Variants in ITGBL1 observed in about 807,000 individuals in gnomAD.
The protein encoded by ITGBL1 is integrin beta-like protein 1.
In ITGBL1, 51 loss-of-function variants were observed where a neutral mutation model predicts 68.5. The ratio of observed to expected loss-of-function variants is 0.74; its 90% CI spans 0.59 to 0.94. The LOEUF is 0.94. Among genes scored for constraint, ITGBL1 ranks in the 40% least tolerant of loss-of-function variants. ITGBL1 has a pLI of 0.00. For synonymous variants in ITGBL1, 209 were observed against 227.3 expected (o/e 0.92, Z 0.72); for missense variants, 649 against 647.4 (o/e 1.00, Z -0.03).
At position 101,620,485 on chromosome 13, in the gene ITGBL1, A is replaced by G. The variant is rs534845920; in HGVS notation, c.1015+22186A>G. On this transcript the variant is annotated intron_variant, in intron 7 of 10. Coordinates refer to ENST00000376180, the MANE Select transcript of ITGBL1 (RefSeq NM_004791.3). ...GTGGGCTGAGCATTATAGGATGCAT[A>G]CAATTTTATTATTTGATCTCTCGTC... 2.0e-5 allele frequency among the ~76,000 whole-genome samples: 3 copies of G among 152,272 alleles called. No individual in the cohort carries two copies. The East Asian group carries it at 5.8e-4, about 29-fold the overall frequency.
intron 1 of ITGBL1, 124 bp from the exon 2 acceptor site, chr13:101,453,759 G>A (rs934008075): frequency 7.3e-5 from 37 of 506,308 alleles, no homozygotes; most frequent in South Asian, 2.0e-4. Context: ...GTGGGCCTCA[G>A]GCGTCCTGTT....
chr13:101,716,863 G>A (rs867272576), downstream of ITGBL1: 2 of 151,316 alleles, frequency 1.3e-5, no homozygotes, highest in Non-Finnish European at 2.9e-5. Flanking sequence ...GGAACAAAAT[G>A]TTTATTTTCT....
intron 7 of ITGBL1, among the ~76,000 whole-genome samples, chr13:101,604,887 T>TATACACACACACAC: frequency 0.012 from 260 of 22,106 alleles, 11 homozygotes; most frequent in Non-Finnish European, 0.016. Context: ...TATATATATA[T>TATACACACACACAC]ACACACACAC....
intron 2 of ITGBL1, among the ~76,000 whole-genome samples, chr13:101,509,976 C>CA (rs1039190082): frequency 6.6e-6 from 1 of 152,004 alleles, no homozygotes; most frequent in Admixed American, 6.6e-5. Context: ...AAAGATAGTA[C>CA]AAAAAAGAAA....
At chr13:101,718,534 A>C (rs1566807803), downstream of ITGBL1, 1 of 150,776 alleles carries the variant, frequency 6.6e-6, no homozygotes, top group Non-Finnish European at 1.5e-5. Flanking sequence ...AGTTTAGAGA[A>C]GGTGTTGGCA....
chr13:101,536,327 A>G (rs1481549403), intron 2 of ITGBL1, among the ~76,000 whole-genome samples: 2 of 152,000 alleles, frequency 1.3e-5, no homozygotes, highest in East Asian at 3.9e-4. Context: ...CCAGAAGAGG[A>G]AATATAAAAA....
At chr13:101,623,843 T>C (rs1166431965) in intron 7 of ITGBL1, among the ~76,000 whole-genome samples, 1 of 152,244 alleles carries the variant, frequency 6.6e-6, no homozygotes, top group Non-Finnish European at 1.5e-5. Context: ...ATGAAAGTTT[T>C]TTTGGGTATA....
chr13:101,547,035 T>C (rs1218438889), intron 2 of ITGBL1, among the ~76,000 whole-genome samples: 1 of 151,888 alleles, frequency 6.6e-6, no homozygotes, highest in African/African-American at 2.4e-5. Flanking sequence ...ACTAAAAATA[T>C]CTCTTGGAAA....
intron 7 of ITGBL1, among the ~76,000 whole-genome samples, chr13:101,647,230 AAATT>A (rs1383666195): frequency 5.0e-4 from 76 of 152,312 alleles, no homozygotes; most frequent in African/African-American, 1.8e-3. Context: ...ACAATTATAG[AAATT>A]AATTAACCTC....
intron 2 of ITGBL1, among the ~76,000 whole-genome samples, chr13:101,517,738 A>G (rs1046841302): frequency 2.0e-5 from 3 of 152,200 alleles, no homozygotes; most frequent in Non-Finnish European, 4.4e-5. Context: ...TGGAGGGTTA[A>G]TCTTGGCCAA....
chr13:101,615,268 T>C (rs1448738176), intron 7 of ITGBL1, among the ~76,000 whole-genome samples: 1 of 152,084 alleles, frequency 6.6e-6, no homozygotes, highest in Non-Finnish European at 1.5e-5. Flanking sequence ...CCACCCTAAA[T>C]CCAGGATGAT....
intron 7 of ITGBL1, among the ~76,000 whole-genome samples, chr13:101,641,551 ATTTTTTCTT>A (rs1566771024): frequency 3.5e-5 from 5 of 142,106 alleles, no homozygotes; most frequent in East Asian, 2.0e-4. Flanking sequence ...ATTTATTTTT[ATTTTTTCTT>A]TTTTTTCTTT....
At chr13:101,498,083 C>G (rs1052689854) in intron 2 of ITGBL1, among the ~76,000 whole-genome samples, 15 of 152,026 alleles carry the variant, frequency 9.9e-5, no homozygotes, top group Non-Finnish European at 2.1e-4. Context: ...TCCTGGTATG[C>G]ACATCTTAAT....
chr13:101,683,863 A>C (rs1036264528), intron 7 of ITGBL1, among the ~76,000 whole-genome samples: 1 of 151,820 alleles, frequency 6.6e-6, no homozygotes, highest in Non-Finnish European at 1.5e-5. Context: ...ATACAATCCC[A>C]TTTGCTGAAG....
chr13:101,553,082 G>A (rs1275497031), intron 2 of ITGBL1, among the ~76,000 whole-genome samples: 16 of 152,136 alleles, frequency 1.1e-4, no homozygotes, highest in Admixed American at 1.0e-3. Context: ...CAAACTTTGG[G>A]GAATGGAGGA....
chr13:101,604,071 T>C (rs1254270698), intron 7 of ITGBL1, among the ~76,000 whole-genome samples: 5 of 151,982 alleles, frequency 3.3e-5, no homozygotes, highest in Non-Finnish European at 7.4e-5. Flanking sequence ...CAAATGCTTT[T>C]ATATTTTGAA....
chr13:101,698,644 A>G (rs868749941), intron 8 of ITGBL1, among the ~76,000 whole-genome samples: 32 of 152,222 alleles, frequency 2.1e-4, no homozygotes, highest in African/African-American at 6.8e-4. Context: ...CTATGCATGC[A>G]TGGATTTATT....
At chr13:101,581,134 T>C (rs1010478554) in intron 5 of ITGBL1, among the ~76,000 whole-genome samples, 3 of 152,154 alleles carry the variant, frequency 2.0e-5, no homozygotes, top group Non-Finnish European at 4.4e-5. Context: ...TTTTTCCCCA[T>C]CTTCAGGGGC....
At chr13:101,517,449 C>A (rs1234337545) in intron 2 of ITGBL1, among the ~76,000 whole-genome samples, 1 of 152,154 alleles carries the variant, frequency 6.6e-6, no homozygotes, top group Non-Finnish European at 1.5e-5. Context: ...TCCTAATACT[C>A]AGGTTGCATC....
Sources: gnomAD v4.1 joint callset for allele counts (sites outside exome capture counted in the v4.1 genomes callset) on GRCh38, gnomAD v4.1.1 for gene constraint, MANE v1.5 for transcripts, NCBI Gene and HGNC (gene_info 2026-07-23, HGNC 2026-07-21) for gene names.